The following PDZRN4 variants were observed in gnomAD, a reference collection of about 807,000 sequenced individuals.
PDZRN4 encodes PDZ domain-containing RING finger protein 4.
PDZRN4 carries 70 observed loss-of-function variants against 99.0 expected under a neutral mutation model. The observed-to-expected ratio is 0.71, with a 90% CI of 0.58 to 0.86. PDZRN4 has a LOEUF of 0.86. Ranked by LOEUF, PDZRN4 falls within the 40% of genes least tolerant of loss-of-function variation. PDZRN4 has a pLI of 0.00. For missense variants in PDZRN4, 1,474 were observed against 1,331.2 expected (o/e 1.11, Z -1.67); for synonymous variants, 551 against 501.6 (o/e 1.10, Z -1.32).
intron 3 of PDZRN4, among the ~76,000 whole-genome samples, chr12:41,303,908 GC>G (rs1268161243): frequency 6.6e-6 from 1 of 152,150 alleles, no homozygotes; most frequent in Admixed American, 6.6e-5. Context: ...CATGACCTCA[GC>G]TTTTTTAATT....
At chr12:41,424,800 T>C (rs1036096255) in intron 3 of PDZRN4, among the ~76,000 whole-genome samples, 1 of 152,172 alleles carries the variant, frequency 6.6e-6, no homozygotes. Flanking sequence ...CTTTGTTACA[T>C]TGGTGGCTTA....
chr12:41,490,279 C>T (rs1937858214), intron 3 of PDZRN4, among the ~76,000 whole-genome samples: 1 of 152,096 alleles, frequency 6.6e-6, no homozygotes, highest in South Asian at 2.1e-4. Flanking sequence ...AGAGTTTTCT[C>T]CAGGTCTACA....
At chr12:41,191,623 T>C in intron 2 of PDZRN4, 79 bp downstream of exon 2, 1 of 682,328 alleles carries the variant, frequency 1.5e-6, no homozygotes, top group South Asian at 1.9e-5. Flanking sequence ...TATAAAATAA[T>C]AGAGGACTTA....
intron 3 of PDZRN4, among the ~76,000 whole-genome samples, chr12:41,237,192 T>C (rs1319710796): frequency 6.6e-6 from 1 of 152,028 alleles, no homozygotes; most frequent in Non-Finnish European, 1.5e-5. Context: ...TTGGGAAAAA[T>C]GGGAATCTAG....
chr12:41,362,964 T>C (rs181888035), intron 3 of PDZRN4, among the ~76,000 whole-genome samples: 1 of 152,104 alleles, frequency 6.6e-6, no homozygotes, highest in African/African-American at 2.4e-5. Context: ...GTTCTTTTAT[T>C]ATAATTTTTC....
At chr12:41,382,834 TA>T (rs1284980063) in intron 3 of PDZRN4, among the ~76,000 whole-genome samples, 1 of 152,220 alleles carries the variant, frequency 6.6e-6, no homozygotes, top group African/African-American at 2.4e-5. Context: ...GGGCTACTAC[TA>T]AAGAATACAC....
intron 3 of PDZRN4, among the ~76,000 whole-genome samples, chr12:41,248,848 G>A (rs541182509): frequency 1.3e-3 from 201 of 152,180 alleles, no homozygotes; most frequent in African/African-American, 4.5e-3. Flanking sequence ...TTTGCTTGGC[G>A]TAATGTAATT....
At chr12:41,323,591 TAAG>T (rs1454398046) in intron 3 of PDZRN4, among the ~76,000 whole-genome samples, 3 of 151,954 alleles carry the variant, frequency 2.0e-5, no homozygotes, top group Non-Finnish European at 4.4e-5. Context: ...AGTTGTAGAA[TAAG>T]AAGAGTATAA....
rs34065905 is a variant in PDZRN4, at chr12:41,452,274, C to CA, written c.844-54167dup. On this transcript the variant is annotated intron_variant, in intron 3 of 9. Coordinates refer to ENST00000402685, the MANE Select transcript of PDZRN4 (RefSeq NM_001164595.2). ...GAAACCCTGTCTCTACTAAAAAATA[C>CA]AAAAAAAAAAAAAAATTAGCCAGTC... 1.5e-3 allele frequency among the ~76,000 whole-genome samples: 204 copies of CA among 135,682 alleles called. 2 individuals carry two copies. Among genetic ancestry groups the CA allele is most frequent in the East Asian group, 8.7e-3 (40 of 4,594 alleles). 89.0% of individuals were successfully genotyped at this position (135,682 alleles called of 152,430 possible). A position where few individuals can be genotyped will look rare whatever the true frequency, so the allele number is the denominator to read the frequency against.
chr12:41,206,750 T>C lies in PDZRN4; in HGVS notation c.843+12562T>C, dbSNP rs990107320. On this transcript the variant is annotated intron_variant, in intron 3 of 9. Coordinates refer to ENST00000402685, the MANE Select transcript of PDZRN4 (RefSeq NM_001164595.2). ...AATAAATATGTACTAAATGCATAAA[T>C]AAAAGTTTCCTAAGTTTCTTTTAAA... Among the ~76,000 whole-genome samples, 3 of 152,028 alleles carry C rather than the reference T, an allele frequency of 2.0e-5. No individual in the cohort carries two copies. The South Asian group carries it at 6.2e-4, about 32-fold the overall frequency.
chr12:41,502,345 A>T (rs1038936990), intron 3 of PDZRN4, among the ~76,000 whole-genome samples: 2 of 152,056 alleles, frequency 1.3e-5, no homozygotes, highest in Admixed American at 6.6e-5. Context: ...CCTGTTTATT[A>T]TGACACCCTA....
At chr12:41,227,592 G>C (rs941717986) in intron 3 of PDZRN4, among the ~76,000 whole-genome samples, 1 of 152,090 alleles carries the variant, frequency 6.6e-6, no homozygotes, top group African/African-American at 2.4e-5. Flanking sequence ...TTGAGCCCAG[G>C]AGGTGGAGGT....
intron 3 of PDZRN4, among the ~76,000 whole-genome samples, chr12:41,406,371 T>C (rs1264135684): frequency 6.6e-6 from 1 of 152,026 alleles, no homozygotes; most frequent in Non-Finnish European, 1.5e-5. Context: ...AAAGAAAAAA[T>C]CAACGCCTAC....
intron 3 of PDZRN4, among the ~76,000 whole-genome samples, chr12:41,231,615 T>C (rs930260342): frequency 6.6e-6 from 1 of 152,144 alleles, no homozygotes; most frequent in Non-Finnish European, 1.5e-5. Flanking sequence ...TAGTCATTTT[T>C]ACTGTTTCAA....
intron 3 of PDZRN4, among the ~76,000 whole-genome samples, chr12:41,461,274 GCAT>G (rs892501880): frequency 1.1e-4 from 17 of 151,654 alleles, no homozygotes; most frequent in African/African-American, 3.6e-4. Context: ...AGGTAAACGT[GCAT>G]CATGGGGGTT....
chr12:41,573,187 G>T lies in PDZRN4; in HGVS notation c.2408G>T (p.Ser803Ile). 6.2e-7 allele frequency: 1 copy of T among 1,614,134 alleles called. No homozygotes were observed. Among genetic ancestry groups the T allele is most frequent in the Non-Finnish European group, 8.5e-7 (1 of 1,180,020 alleles). The change falls in exon 10 of 10, where the codon AGC becomes ATC. Residue 803 changes from serine (S) to isoleucine (I), a missense_variant. Coordinates refer to ENST00000402685, the MANE Select transcript of PDZRN4 (RefSeq NM_001164595.2). Reference sequence around the variant, plus strand: ...GCCAAAACCACTGAGCAAGGTTGTAGCGCTGAAAGCAAGGAGAAGGTTTTA... The same window carrying T: ...GCCAAAACCACTGAGCAAGGTTGTATCGCTGAAAGCAAGGAGAAGGTTTTA... The part of the protein sequence containing the change: ...TKAKTTEQGC[S>I]AESKEKVLEG...
intron 3 of PDZRN4, among the ~76,000 whole-genome samples, chr12:41,223,092 T>C (rs1363155795): frequency 1.3e-5 from 2 of 152,152 alleles, no homozygotes; most frequent in African/African-American, 2.4e-5. Flanking sequence ...TGCACCAGTC[T>C]AATATAAAGA....
intron 3 of PDZRN4, among the ~76,000 whole-genome samples, chr12:41,396,040 T>A (rs908084987): frequency 6.6e-6 from 1 of 152,118 alleles, no homozygotes; most frequent in Non-Finnish European, 1.5e-5. Flanking sequence ...CAGTCATTCC[T>A]CCAGTTCATC....
At chr12:41,202,079 T>A (rs1357946506) in intron 3 of PDZRN4, among the ~76,000 whole-genome samples, 1 of 152,144 alleles carries the variant, frequency 6.6e-6, no homozygotes, top group South Asian at 2.1e-4. Flanking sequence ...ACATGATTGA[T>A]TGCAGAGGAA....
Sources: allele counts gnomAD v4.1 joint callset (sites outside exome capture counted in the v4.1 genomes callset), GRCh38; gene constraint gnomAD v4.1.1; transcripts MANE v1.5; gene names NCBI Gene and HGNC (gene_info 2026-07-23, HGNC 2026-07-21).